The following ULK4 variants were observed in gnomAD, a reference collection of about 807,000 sequenced individuals.
The protein encoded by ULK4 is unc-51 like kinase 4, also known as inactive serine/threonine-protein kinase ULK4.
Under a neutral mutation model 160.6 loss-of-function variants are expected in ULK4, and 133 were observed. The ratio of observed to expected loss-of-function variants is 0.83; its 90% CI spans 0.72 to 0.96. ULK4 has a LOEUF of 0.96. Ranked by LOEUF, ULK4 falls within the 40% of genes least tolerant of loss-of-function variation. ULK4 has a pLI of 0.00. For missense variants in ULK4, 1,580 were observed against 1,499.5 expected (o/e 1.05, Z -0.89); for synonymous variants, 534 against 539.8 (o/e 0.99, Z 0.15).
intron 21 of ULK4, among the ~76,000 whole-genome samples, chr3:41,756,418 AATT>A: frequency 6.6e-6 from 1 of 152,356 alleles, no homozygotes; most frequent in South Asian, 2.1e-4. Context: ...GGTTAAAACT[AATT>A]ATGGCATATG....
intron 34 of ULK4, among the ~76,000 whole-genome samples, chr3:41,448,250 C>T (rs1481935532): frequency 2.0e-5 from 3 of 151,998 alleles, no homozygotes; most frequent in Non-Finnish European, 4.4e-5. Flanking sequence ...CTATGGGAGC[C>T]GGGGTCTGAG....
chr3:41,442,053 T>C (rs888488298), intron 34 of ULK4, among the ~76,000 whole-genome samples: 2 of 152,206 alleles, frequency 1.3e-5, no homozygotes, highest in African/African-American at 2.4e-5. Flanking sequence ...CCTACATGTG[T>C]CTTTATAGCT....
chr3:41,753,320 T>A (rs1044816465), intron 22 of ULK4, among the ~76,000 whole-genome samples: 1 of 152,022 alleles, frequency 6.6e-6, no homozygotes, highest in East Asian at 1.9e-4. Flanking sequence ...CTCTCACTGT[T>A]ACCAGGAAAA....
chr3:41,559,317 A>G (rs2087463212), intron 32 of ULK4, among the ~76,000 whole-genome samples: 1 of 130,650 alleles, frequency 7.7e-6, no homozygotes, highest in Admixed American at 8.3e-5. Flanking sequence ...GCTATTGTGA[A>G]TAGTGCTGCA....
intron 30 of ULK4, among the ~76,000 whole-genome samples, chr3:41,642,420 ATGAG>A (rs1283351357): frequency 6.6e-6 from 1 of 151,884 alleles, no homozygotes. Context: ...ATTCCCACCT[ATGAG>A]TGAGAACATG....
intron 32 of ULK4, among the ~76,000 whole-genome samples, chr3:41,518,048 G>A (rs974149504): frequency 6.6e-6 from 1 of 152,174 alleles, no homozygotes; most frequent in Admixed American, 6.5e-5. Context: ...TCTGCATATG[G>A]TACAGAGTAA....
At chr3:41,482,026 T>C (rs1167027585) in intron 32 of ULK4, among the ~76,000 whole-genome samples, 1 of 152,130 alleles carries the variant, frequency 6.6e-6, no homozygotes, top group Non-Finnish European at 1.5e-5. Context: ...TTCCTCCTCT[T>C]ACTTTTGGGA....
chr3:41,836,086 C>T, intron 17 of ULK4, 115 bp from the exon 18 acceptor site: 1 of 662,554 alleles, frequency 1.5e-6, no homozygotes, highest in East Asian at 2.8e-5. Flanking sequence ...GAACTATTTT[C>T]CAAATTATTT....
At chr3:41,671,233 TC>T (rs2035526742) in intron 29 of ULK4, among the ~76,000 whole-genome samples, 1 of 151,804 alleles carries the variant, frequency 6.6e-6, no homozygotes, top group East Asian at 1.9e-4. Context: ...AGAAAAATAA[TC>T]TAAAAATTCA....
At chr3:41,789,138 A>T (rs147276984) in intron 21 of ULK4, among the ~76,000 whole-genome samples, 312 of 152,300 alleles carry the variant, frequency 2.0e-3, no homozygotes, top group African/African-American at 7.2e-3. Flanking sequence ...ATCACTATAC[A>T]GTTCTGTGAT....
intron 22 of ULK4, among the ~76,000 whole-genome samples, chr3:41,721,732 T>C (rs1457068006): frequency 1.3e-5 from 2 of 151,862 alleles, no homozygotes; most frequent in Non-Finnish European, 2.9e-5. Context: ...TTCTAGGAGA[T>C]ATAATGCTCA....
intron 35 of ULK4, among the ~76,000 whole-genome samples, chr3:41,346,286 C>T (rs374057816): frequency 1.4e-4 from 22 of 152,250 alleles, no homozygotes; most frequent in East Asian, 9.7e-4. Context: ...ACCTCTTCCA[C>T]GACCCACCAC....
chr3:41,529,097 T>C (rs2086216314), intron 32 of ULK4, among the ~76,000 whole-genome samples: 2 of 152,216 alleles, frequency 1.3e-5, no homozygotes, highest in Admixed American at 1.3e-4. Context: ...AGAGCCAACT[T>C]GGCATACACT....
chr3:41,477,068 C>T (rs1272862168), intron 32 of ULK4, among the ~76,000 whole-genome samples: 1 of 152,286 alleles, frequency 6.6e-6, no homozygotes, highest in South Asian at 2.1e-4. Context: ...GCTACCACAA[C>T]AATTTCTTAA....
chr3:41,557,435 T>C (rs2087339553), intron 32 of ULK4, among the ~76,000 whole-genome samples: 1 of 151,946 alleles, frequency 6.6e-6, no homozygotes, highest in Non-Finnish European at 1.5e-5. Flanking sequence ...AAATTGCATA[T>C]ACAGAAATCA....
At chr3:41,516,749 T>C (rs1386619785) in intron 32 of ULK4, among the ~76,000 whole-genome samples, 1 of 152,118 alleles carries the variant, frequency 6.6e-6, no homozygotes, top group Non-Finnish European at 1.5e-5. Context: ...AAAAACAGAA[T>C]AAATAAGACC....
At chr3:41,733,407 C>CTGAT (rs2037902699) in intron 22 of ULK4, among the ~76,000 whole-genome samples, 1 of 152,150 alleles carries the variant, frequency 6.6e-6, no homozygotes, top group Admixed American at 6.5e-5. Context: ...ACTCAAGGAA[C>CTGAT]TGATGTTCAA....
chr3:41,879,967 T>C (rs1047891325), intron 17 of ULK4, among the ~76,000 whole-genome samples: 2 of 151,512 alleles, frequency 1.3e-5, no homozygotes, highest in African/African-American at 4.9e-5. Context: ...AAATACAAAA[T>C]AAATTAGCTG....
intron 29 of ULK4, among the ~76,000 whole-genome samples, chr3:41,681,263 A>G (rs1238858268): frequency 6.6e-6 from 1 of 152,178 alleles, no homozygotes; most frequent in Non-Finnish European, 1.5e-5. Context: ...CTTCAAAATC[A>G]TGTTTCTGGC....
Sources: gnomAD v4.1 joint callset for allele counts (sites outside exome capture counted in the v4.1 genomes callset) on GRCh38, gnomAD v4.1.1 for gene constraint, MANE v1.5 for transcripts, NCBI Gene and HGNC (gene_info 2026-07-23, HGNC 2026-07-21) for gene names.